Variants in SOX5 observed in about 807,000 individuals in gnomAD.
SOX5 encodes the protein SRY-box transcription factor 5, also known as transcription factor SOX-5.
A neutral mutation model predicts 92.0 loss-of-function variants in SOX5; 9 were observed. The ratio of observed to expected loss-of-function variants is 0.10; its 90% CI spans 0.06 to 0.17. SOX5 has a LOEUF of 0.17. SOX5 is among the 10% of genes least tolerant of loss of function. The pLI is 1.00. For synonymous variants in SOX5, 344 were observed against 336.3 expected, an observed-to-expected ratio of 1.02 and a Z score of -0.25; for missense variants, 642 against 944.5, an observed-to-expected ratio of 0.68 and a Z score of 4.20.
chr12:23,780,685 C>G (rs2095259990), intron 3 of SOX5, among the ~76,000 whole-genome samples: 1 of 151,886 alleles, frequency 6.6e-6, no homozygotes, highest in South Asian at 2.1e-4. Flanking sequence ...GGTAGGTAGA[C>G]TATTTGATGA....
chr12:24,066,730 T>C (rs564654057), intron 4 of SOX5, among the ~76,000 whole-genome samples: 34 of 152,302 alleles, frequency 2.2e-4, no homozygotes, highest in Non-Finnish European at 4.3e-4. Flanking sequence ...ACAATCATTC[T>C]TAAAAATGTT....
intron 4 of SOX5, among the ~76,000 whole-genome samples, chr12:24,126,357 C>T (rs373723956): frequency 1.3e-5 from 2 of 152,276 alleles, no homozygotes; most frequent in African/African-American, 4.8e-5. Context: ...AAACAGGACC[C>T]ATTCATGTGG....
At chr12:24,156,340 C>T (rs1439228167) in intron 4 of SOX5, among the ~76,000 whole-genome samples, 4 of 152,146 alleles carry the variant, frequency 2.6e-5, no homozygotes, top group Admixed American at 2.6e-4. Flanking sequence ...GCCGCCCCCA[C>T]CCCTTTACTG....
At chr12:24,080,000 C>T (rs1323995581) in intron 4 of SOX5, among the ~76,000 whole-genome samples, 1 of 151,794 alleles carries the variant, frequency 6.6e-6, no homozygotes, top group Non-Finnish European at 1.5e-5. Context: ...ATTACTACTG[C>T]TTTATTTTTT....
At chr12:23,716,245 T>A (rs1190388760) in intron 6 of SOX5, among the ~76,000 whole-genome samples, 2 of 152,174 alleles carry the variant, frequency 1.3e-5, no homozygotes, top group Non-Finnish European at 2.9e-5. Flanking sequence ...AGAGATGAAG[T>A]CGGTAAAGAT....
chr12:24,473,428 A>G (rs945598547), intron 1 of SOX5, among the ~76,000 whole-genome samples: 1 of 152,222 alleles, frequency 6.6e-6, no homozygotes, highest in African/African-American at 2.4e-5. Flanking sequence ...CTCTCATGCC[A>G]CTTGTGGAAA....
At chr12:23,547,792 A>G (rs1943419640) in intron 11 of SOX5, among the ~76,000 whole-genome samples, 1 of 152,156 alleles carries the variant, frequency 6.6e-6, no homozygotes, top group Non-Finnish European at 1.5e-5. Context: ...ATTAAATAGT[A>G]TTAAAGTTGA....
chr12:24,442,327 T>C (rs1940751610), intron 1 of SOX5, among the ~76,000 whole-genome samples: 1 of 152,204 alleles, frequency 6.6e-6, no homozygotes. Flanking sequence ...GTTTCAGGCA[T>C]TATTTCAGGC....
At chr12:23,724,347 T>G (rs974732647) in intron 6 of SOX5, among the ~76,000 whole-genome samples, 1 of 152,084 alleles carries the variant, frequency 6.6e-6, no homozygotes, top group Non-Finnish European at 1.5e-5. Flanking sequence ...TAACACAAAC[T>G]GTCTGAATTC....
Position 23,651,226 on chromosome 12 carries a change from A to G in SOX5, c.932-10329T>C, listed in dbSNP as rs114847889. 6.2e-3 allele frequency among the ~76,000 whole-genome samples: 943 copies of G among 152,086 alleles called. 11 individuals are homozygous for G. The highest frequency in any genetic ancestry group is 0.022 in the African/African-American group (894 of 41,534). ...CTTACATATACATATACACATATATACATATATACATATATGTAAATGTAT... is the reference window on the plus strand; with the variant it reads ...CTTACATATACATATACACATATATGCATATATACATATATGTAAATGTAT... On this transcript the variant is annotated intron_variant, in intron 7 of 14. Coordinates refer to ENST00000451604, the MANE Select transcript of SOX5 (RefSeq NM_006940.6).
chr12:23,704,358 G>A (rs2091081371), intron 6 of SOX5, among the ~76,000 whole-genome samples: 1 of 151,784 alleles, frequency 6.6e-6, no homozygotes, highest in African/African-American at 2.4e-5. Context: ...ATTATAAAGT[G>A]CAAAATATGC....
chr12:24,442,221 A>G (rs974535458), intron 1 of SOX5, among the ~76,000 whole-genome samples: 3 of 152,238 alleles, frequency 2.0e-5, no homozygotes, highest in Non-Finnish European at 2.9e-5. Context: ...CATTTAGAGT[A>G]TACAGCCTAT....
chr12:23,831,634 T>C (rs2096323770), intron 3 of SOX5, among the ~76,000 whole-genome samples: 1 of 152,060 alleles, frequency 6.6e-6, no homozygotes, highest in Non-Finnish European at 1.5e-5. Context: ...AAGTCCATAC[T>C]AAAGGCAATG....
At chr12:23,868,119 CT>C (rs1416150578) in intron 2 of SOX5, among the ~76,000 whole-genome samples, 2 of 151,498 alleles carry the variant, frequency 1.3e-5, no homozygotes, top group Non-Finnish European at 3.0e-5. Flanking sequence ...CTGCCTTCCA[CT>C]TTTTTTTCTT....
At chr12:23,699,331 CAT>C (rs1379073433) in intron 6 of SOX5, among the ~76,000 whole-genome samples, 1 of 152,116 alleles carries the variant, frequency 6.6e-6, no homozygotes, top group African/African-American at 2.4e-5. Context: ...ACCTTTGTCT[CAT>C]ATATTTTCTC....
rs568347680 is a variant in SOX5 at position 23,720,126 on chromosome 12, C to T, written c.810+14558G>A. ...GGATCAAGATACAGAGAAAGTCTTGCTTTCCTGTTCTCTTATGTGAATGAA... is the reference window on the plus strand; with the variant it reads ...GGATCAAGATACAGAGAAAGTCTTGTTTTCCTGTTCTCTTATGTGAATGAA... On this transcript the variant is annotated intron_variant, in intron 6 of 14. Coordinates refer to ENST00000451604, the MANE Select transcript of SOX5 (RefSeq NM_006940.6). Among the ~76,000 whole-genome samples the T allele has an allele frequency of 9.2e-5, 14 of 152,244 alleles. No homozygotes were observed. In the Middle Eastern group the frequency reaches 0.014, roughly 148 times the overall value.
At chr12:24,120,330 T>C (rs191080097) in intron 4 of SOX5, among the ~76,000 whole-genome samples, 3 of 152,308 alleles carry the variant, frequency 2.0e-5, no homozygotes, top group African/African-American at 7.2e-5. Context: ...CTCACTACAG[T>C]ACACATTTTG....
At chr12:24,271,401 T>A (rs1012961891) in intron 3 of SOX5, among the ~76,000 whole-genome samples, 3 of 152,234 alleles carry the variant, frequency 2.0e-5, no homozygotes, top group South Asian at 2.1e-4. Flanking sequence ...TGTAGTTTTT[T>A]AAAAATCAAT....
At chr12:24,255,494 G>A (rs1399606927) in intron 3 of SOX5, among the ~76,000 whole-genome samples, 1 of 152,162 alleles carries the variant, frequency 6.6e-6, no homozygotes, top group Non-Finnish European at 1.5e-5. Context: ...TACTTTGAGG[G>A]TGTAAGAGAT....
Sources: allele counts gnomAD v4.1 joint callset (sites outside exome capture counted in the v4.1 genomes callset), GRCh38; gene constraint gnomAD v4.1.1; transcripts MANE v1.5; gene names NCBI Gene and HGNC (gene_info 2026-07-23, HGNC 2026-07-21).